The following MALRD1 variants were observed in gnomAD, a reference collection of about 807,000 sequenced individuals.
MALRD1 encodes MAM and LDL-receptor class A domain-containing protein 1.
Under a neutral mutation model 242.1 loss-of-function variants are expected in MALRD1, and 247 were observed. That is an observed-to-expected ratio of 1.02 (90% CI 0.92 to 1.13). The LOEUF (loss-of-function observed/expected upper bound fraction) is 1.13, where lower values mean the gene tolerates loss of function less well. MALRD1 is among the 50% of genes most tolerant of loss of function. MALRD1 has a pLI of 0.00. For synonymous variants in MALRD1, 995 were observed against 866.6 expected (o/e 1.15, Z -2.60); for missense variants, 2,989 against 2,533.1 (o/e 1.18, Z -3.86).
intron 4 of MALRD1, among the ~76,000 whole-genome samples, chr10:19,095,914 A>G (rs1836012506): frequency 6.6e-6 from 1 of 152,190 alleles, no homozygotes; most frequent in Non-Finnish European, 1.5e-5. Context: ...ATCTTGCTGA[A>G]GTTCCATCTC....
At chr10:19,224,734 A>T (rs2131675239) in intron 18 of MALRD1, among the ~76,000 whole-genome samples, 1 of 152,254 alleles carries the variant, frequency 6.6e-6, no homozygotes, top group Admixed American at 6.5e-5. Flanking sequence ...TCTGGATATT[A>T]GCCCTTTGTT....
chr10:19,663,703 A>T (rs532622563), intron 36 of MALRD1, among the ~76,000 whole-genome samples: 1 of 152,240 alleles, frequency 6.6e-6, no homozygotes, highest in East Asian at 1.9e-4. Flanking sequence ...TCAGACAGAC[A>T]GCATCCGGCT....
chr10:19,050,083 CTTTTTTTTTTT>C (rs34692209), intron 1 of MALRD1, among the ~76,000 whole-genome samples: 1 of 90,578 alleles, frequency 1.1e-5, no homozygotes. Flanking sequence ...CATATGTCTT[CTTTTTTTTTTT>C]TTTTTTTTTT....
intron 11 of MALRD1, among the ~76,000 whole-genome samples, chr10:19,147,062 G>A (rs1439931070): frequency 4.0e-5 from 6 of 151,682 alleles, no homozygotes; most frequent in Non-Finnish European, 7.4e-5. Flanking sequence ...TCGCCATGTT[G>A]CCCAGGTTGA....
chr10:19,492,831 G>A (rs1358151429), intron 30 of MALRD1, among the ~76,000 whole-genome samples: 1 of 152,106 alleles, frequency 6.6e-6, no homozygotes, highest in East Asian at 1.9e-4. Flanking sequence ...AGAGAAGGTT[G>A]TAGGGTGACC....
At chr10:19,445,264 G>T (rs1834904007) in intron 28 of MALRD1, among the ~76,000 whole-genome samples, 1 of 152,116 alleles carries the variant, frequency 6.6e-6, no homozygotes, top group Non-Finnish European at 1.5e-5. Flanking sequence ...TCCTCCTTTA[G>T]CCCGGAGAAG....
intron 5 of MALRD1, among the ~76,000 whole-genome samples, 163 bp downstream of exon 5, chr10:19,104,238 G>T (rs1198215474): frequency 6.6e-6 from 1 of 152,092 alleles, no homozygotes; most frequent in Non-Finnish European, 1.5e-5. Flanking sequence ...ATCTATACTG[G>T]GAGTGAAGTT....
chr10:19,410,883 C>CT (rs1439146751), intron 28 of MALRD1, among the ~76,000 whole-genome samples: 4 of 152,036 alleles, frequency 2.6e-5, no homozygotes, highest in African/African-American at 9.7e-5. Flanking sequence ...ATAAATGAAT[C>CT]TTTTTGACAT....
chr10:19,486,143 A>G (rs1837228511), intron 29 of MALRD1, among the ~76,000 whole-genome samples: 2 of 152,178 alleles, frequency 1.3e-5, no homozygotes, highest in African/African-American at 4.8e-5. Context: ...AACTCTTACT[A>G]TAATAAAATA....
At chr10:19,270,080 C>T (rs1339965742) in intron 19 of MALRD1, among the ~76,000 whole-genome samples, 2 of 151,976 alleles carry the variant, frequency 1.3e-5, no homozygotes, top group African/African-American at 4.8e-5. Context: ...TTTGGGAGGC[C>T]GAGGCGAGTG....
intron 14 of MALRD1, among the ~76,000 whole-genome samples, chr10:19,184,223 T>C: frequency 6.6e-6 from 1 of 152,158 alleles, no homozygotes; most frequent in East Asian, 1.9e-4. Context: ...ATGTTTTCAT[T>C]TAAGGGAATG....
intron 38 of MALRD1, among the ~76,000 whole-genome samples, chr10:19,723,659 T>C (rs190592045): frequency 3.2e-3 from 481 of 151,458 alleles, no homozygotes; most frequent in Non-Finnish European, 5.2e-3. Flanking sequence ...GGAGGATCGC[T>C]TGGGCCCAGG....
Position 19,274,394 on chromosome 10 carries a change from G to A in MALRD1, c.3080-5653G>A, listed in dbSNP as rs1019001690. On this transcript the variant is annotated intron_variant, in intron 19 of 39. Coordinates refer to ENST00000454679, the MANE Select transcript of MALRD1 (RefSeq NM_001142308.3). ...TTGACATTCCAACCCCCAACGTGAT[G>A]GTATTTGTATGTGGGATAATTAGGT... Among the ~76,000 whole-genome samples, 4 of 152,264 alleles carry A rather than the reference G, an allele frequency of 2.6e-5. No individual in the cohort carries two copies. The East Asian group carries it at 7.7e-4, about 29-fold the overall frequency.
At chr10:19,656,143 G>A (rs1480735574) in intron 36 of MALRD1, among the ~76,000 whole-genome samples, 1 of 151,998 alleles carries the variant, frequency 6.6e-6, no homozygotes, top group East Asian at 1.9e-4. Flanking sequence ...TTGCACTAAG[G>A]AAAACTCTAC....
At chr10:19,088,536 C>CTT (rs748953378) in intron 4 of MALRD1, among the ~76,000 whole-genome samples, 7 of 110,016 alleles carry the variant, frequency 6.4e-5, no homozygotes, top group African/African-American at 6.8e-5. Context: ...CTCTTTCTTT[C>CTT]TTTTTTTTTT....
intron 18 of MALRD1, among the ~76,000 whole-genome samples, chr10:19,210,870 A>G (rs757034364): frequency 5.9e-5 from 9 of 152,176 alleles, no homozygotes; most frequent in Non-Finnish European, 1.3e-4. Flanking sequence ...TGAATCCCCC[A>G]TTTATAGTGT....
intron 15 of MALRD1, 28 bp from the exon 16 acceptor site, chr10:19,204,280 C>G (rs774564032): frequency 2.2e-5 from 22 of 1,008,122 alleles, no homozygotes; most frequent in African/African-American, 2.8e-5. Flanking sequence ...GTTAATGAAG[C>G]GTTTTTTTTT....
chr10:19,204,849 T>C, intron 16 of MALRD1, 49 bp from the exon 17 acceptor site: 2 of 1,465,280 alleles, frequency 1.4e-6, no homozygotes, highest in Non-Finnish European at 1.8e-6. Flanking sequence ...GTTAAATATG[T>C]AGTCTATTCT....
intron 32 of MALRD1, among the ~76,000 whole-genome samples, chr10:19,531,728 A>G (rs746466450): frequency 2.0e-5 from 3 of 152,224 alleles, no homozygotes; most frequent in Non-Finnish European, 4.4e-5. Flanking sequence ...AAATTCAGTT[A>G]AGGAAAAGCA....
Sources: gnomAD v4.1 joint callset for allele counts (sites outside exome capture counted in the v4.1 genomes callset) on GRCh38, gnomAD v4.1.1 for gene constraint, MANE v1.5 for transcripts, NCBI Gene and HGNC (gene_info 2026-07-23, HGNC 2026-07-21) for gene names.